Variants in ZBP1 observed in about 807,000 individuals in gnomAD.
The protein encoded by ZBP1 is Z-DNA-binding protein 1.
Under a neutral mutation model 41.1 loss-of-function variants are expected in ZBP1, and 42 were observed. That is an observed-to-expected ratio of 1.02 (90% CI 0.80 to 1.32). The LOEUF is 1.32. Among genes scored for constraint, ZBP1 ranks in the 40% most tolerant of loss-of-function variants. The pLI is 0.00. For synonymous variants in ZBP1, 214 were observed against 205.2 expected (o/e 1.04, Z -0.37); for missense variants, 562 against 549.7 (o/e 1.02, Z -0.22).
Position 57,614,951 on chromosome 20 carries a change from C to T in ZBP1, c.438G>A (p.Arg146=). Residue 146 remains arginine, a synonymous_variant, in exon 4 of 8, where the codon AGG becomes AGA. Transcript: ENST00000371173. ...TGTCCAGAAGGTGCCTGCTCTTCATCCTGTACAAGTCTCGGTTCACATCTT... is the reference window on the plus strand; with the variant it reads ...TGTCCAGAAGGTGCCTGCTCTTCATTCTGTACAAGTCTCGGTTCACATCTT... ...TAKDVNRDLY[R]MKSRHLLDMD... is the part of the protein sequence containing the mutation. 6.2e-7 allele frequency: 1 copy of T among 1,614,250 alleles called. No individual in the cohort carries two copies. Among genetic ancestry groups the T allele is most frequent in the African/African-American group, 1.3e-5 (1 of 75,064 alleles).
In ZBP1 at chr20:57,614,957, C is replaced by A. The variant is rs1423407965; in HGVS notation, c.432G>T (p.Leu144Phe). 6.2e-7 allele frequency: 1 copy of A among 1,614,236 alleles called. No individual in the cohort carries two copies. The highest frequency in any genetic ancestry group is 1.1e-5 in the South Asian group (1 of 91,084). Residue 144 changes from leucine (L) to phenylalanine (F), a missense_variant, in exon 4 of 8, where the codon TTG (leucine) becomes TTT (phenylalanine). By Grantham distance (22) the Leu-to-Phe change is conservative. Transcript: ENST00000371173. ...MRTAKDVNRD[L>F]YRMKSRHLLD... Reference sequence around the variant, plus strand: ...GAAGGTGCCTGCTCTTCATCCTGTACAAGTCTCGGTTCACATCTTTTGCTG... The same window carrying A: ...GAAGGTGCCTGCTCTTCATCCTGTAAAAGTCTCGGTTCACATCTTTTGCTG...
At chr20:57,609,010 C>T (rs1163755208) in intron 7 of ZBP1, among the ~76,000 whole-genome samples, 2 of 152,240 alleles carry the variant, frequency 1.3e-5, no homozygotes, top group South Asian at 2.1e-4. Context: ...TCATCCAGCC[C>T]CTCTCCTGCT....
Position 57,604,464 on chromosome 20 carries a change from G to C in ZBP1, c.*109C>G. ...AACTGATTCATGCAGGTTATGTCTGGAAGCAAGCAGGTCAAACAAGACGCT... is the reference window on the plus strand; with the variant it reads ...AACTGATTCATGCAGGTTATGTCTGCAAGCAAGCAGGTCAAACAAGACGCT... On this transcript the variant is annotated 3_prime_UTR_variant, in exon 8 of 8. Coordinates refer to ENST00000371173, the MANE Select transcript of ZBP1 (RefSeq NM_030776.3). 7.2e-7 allele frequency: 1 copy of C among 1,388,168 alleles called. No individual in the cohort carries two copies. Among genetic ancestry groups the C allele is most frequent in the Middle Eastern group, 1.8e-4 (1 of 5,668 alleles). 86.0% of individuals were successfully genotyped at this position (1,388,168 alleles called of 1,614,324 possible).
At chr20:57,615,443 G>A in intron 3 of ZBP1, 69 bp downstream of exon 3, 2 of 1,536,056 alleles carry the variant, frequency 1.3e-6, no homozygotes, top group Non-Finnish European at 1.8e-6. Context: ...GTACCCTCAA[G>A]GAGGGCCTGG....
At position 57,611,873 on chromosome 20, in the gene ZBP1, C is replaced by T; in HGVS notation, c.728G>A (p.Gly243Glu). ...GGGCCCCCAGGGATCAACTAGGGTC[C>T]CCCAAGTTGAGGAATCACCTGGTGC... is the stretch of plus-strand genomic sequence containing the variant. ...SMAPGDSSTW[G>E]TLVDPWGPQD... Residue 243 changes from glycine to glutamate, a missense_variant, in exon 6 of 8, where the codon GGG becomes GAG. Coordinates refer to ENST00000371173, the MANE Select transcript of ZBP1 (RefSeq NM_030776.3). 1 of 1,580,990 alleles carries T rather than the reference C, an allele frequency of 6.3e-7. No homozygotes were observed. Among genetic ancestry groups the T allele is most frequent in the Non-Finnish European group, 8.6e-7 (1 of 1,163,060 alleles).
rs779847276 is a variant in ZBP1 at position 57,604,631 on chromosome 20, C to A, written c.1232G>T (p.Gly411Val). 1.2e-6 allele frequency: 2 copies of A among 1,613,946 alleles called. No homozygotes were observed. Among genetic ancestry groups the A allele is most frequent in the Non-Finnish European group, 1.7e-6 (2 of 1,180,006 alleles). The change falls in exon 8 of 8, where the codon GGC becomes GTC. Residue 411 changes from glycine (G) to valine (V), a missense_variant. Coordinates refer to ENST00000371173, the MANE Select transcript of ZBP1 (RefSeq NM_030776.3). ...LGNRSHKAAE[G>V]SHYVDEASHE... ...TGAGGCTTCATCCACATAGTGGCTG[C>A]CTTCTGCAGCTTTGTGACTCCTGTT...
intron 6 of ZBP1, among the ~76,000 whole-genome samples, 164 bp downstream of exon 6, chr20:57,611,556 CTAGAGTG>C (rs1201986289): frequency 1.3e-5 from 2 of 152,088 alleles, no homozygotes; most frequent in East Asian, 3.9e-4. Flanking sequence ...CGCGCCCAGC[CTAGAGTG>C]CTAGCTTTAA....
chr20:57,607,755 C>G (rs974596185), intron 7 of ZBP1, among the ~76,000 whole-genome samples: 2 of 152,192 alleles, frequency 1.3e-5, no homozygotes, highest in African/African-American at 4.8e-5. Context: ...CAAGGCAAGA[C>G]CTCCACCAGC....
chr20:57,613,171 C>G lies in ZBP1; in HGVS notation c.662G>C (p.Arg221Thr). ...TCTCTTGGGTGACTTACCGTCCTCCCTGGAGACTGTCTGTCTTGTAATGAT... is the reference window on the plus strand; with the variant it reads ...TCTCTTGGGTGACTTACCGTCCTCCGTGGAGACTGTCTGTCTTGTAATGAT... ...GNIITRQTVSREDGSAGPRHL... is the reference protein window; with the variant it reads ...GNIITRQTVSTEDGSAGPRHL... The change falls in exon 5 of 8, where the codon AGG (arginine) becomes ACG (threonine). Residue 221 changes from arginine to threonine, a missense_variant. Transcript: ENST00000371173. The surrounding 1 kb of genome is among the most constrained non-coding windows in gnomAD (Gnocchi z 4.5). 1.2e-6 allele frequency: 2 copies of G among 1,614,196 alleles called. No individual in the cohort carries two copies. Among genetic ancestry groups the G allele is most frequent in the Non-Finnish European group, 1.7e-6 (2 of 1,180,044 alleles).
chr20:57,609,013 C>T (rs2070574548), intron 7 of ZBP1, among the ~76,000 whole-genome samples: 1 of 152,230 alleles, frequency 6.6e-6, no homozygotes, highest in African/African-American at 2.4e-5. Context: ...TCCAGCCCCT[C>T]TCCTGCTCAA....
At position 57,611,777 on chromosome 20, in the gene ZBP1, T is replaced by C. The variant is rs568287186; in HGVS notation, c.824A>G (p.His275Arg). 36 of 1,612,764 alleles carry C rather than the reference T, an allele frequency of 2.2e-5. No individual in the cohort carries two copies. The African/African-American group carries it at 4.0e-4, about 18-fold the overall frequency. The change falls in exon 6 of 8, where the codon CAC (histidine) becomes CGC (arginine). Residue 275 changes from histidine (H) to arginine (R), a missense_variant. By Grantham distance (29) the His-to-Arg change is conservative (BLOSUM62 0). Coordinates refer to ENST00000371173, the MANE Select transcript of ZBP1 (RefSeq NM_030776.3). ...GGCAGGGCCCTCGGACGGGACGCCG[T>C]GGAGCCTCATCTCATTGCTGTGTCC... The part of the protein sequence containing the change: ...QLGHSNEMRL[H>R]GVPSEGPAHI...
At position 57,604,633 on chromosome 20, in the gene ZBP1, T is replaced by C; in HGVS notation, c.1230A>G (p.Glu410=). ...AGGCTTCATCCACATAGTGGCTGCCTTCTGCAGCTTTGTGACTCCTGTTTC... is the reference window on the plus strand; with the variant it reads ...AGGCTTCATCCACATAGTGGCTGCCCTCTGCAGCTTTGTGACTCCTGTTTC... ...TLGNRSHKAA[E]GSHYVDEASH... The change falls in exon 8 of 8, where the codon GAA becomes GAG. Residue 410 remains glutamate (E), a synonymous_variant. Coordinates refer to ENST00000371173, the MANE Select transcript of ZBP1 (RefSeq NM_030776.3). 1.9e-6 allele frequency: 3 copies of C among 1,614,202 alleles called. No individual in the cohort carries two copies. The highest frequency in any genetic ancestry group is 2.5e-6 in the Non-Finnish European group (3 of 1,180,028).
chr20:57,615,413 C>A (rs2070793192), intron 3 of ZBP1, 99 bp downstream of exon 3: 2 of 1,352,268 alleles, frequency 1.5e-6, no homozygotes, highest in Non-Finnish European at 2.1e-6. Flanking sequence ...GACAGGGCCC[C>A]TGAACACTGG....
At chr20:57,615,822 G>A in intron 2 of ZBP1, 1 of 551,158 alleles carries the variant, frequency 1.8e-6, no homozygotes, top group Middle Eastern at 4.6e-4. Flanking sequence ...AGGGCTGGGT[G>A]AACCCCAAAA....
At chr20:57,619,321 C>T (rs2070935984) in intron 1 of ZBP1, among the ~76,000 whole-genome samples, 1 of 152,170 alleles carries the variant, frequency 6.6e-6, no homozygotes, top group Non-Finnish European at 1.5e-5. Flanking sequence ...TGTGTGACCT[C>T]CCCTCCGGCT....
At chr20:57,618,026 A>T (rs2070889286) in intron 1 of ZBP1, 3 of 152,272 alleles carry the variant, frequency 2.0e-5, no homozygotes, top group Admixed American at 6.5e-5. Context: ...AGGTTCAAGG[A>T]GGAATTCTCC....
In ZBP1 at chr20:57,610,008, C is replaced by T. The variant is rs1600728696; in HGVS notation, c.1093+141G>A. ...CTCCACGCTGACTCTAGAGCTGCTG[C>T]TCCTCGCTGTGGGTGGGCACAGCCT... On this transcript the variant is annotated intron_variant, in intron 7 of 7. Transcript: ENST00000371173. This position sits in a 1 kb window ranked among gnomAD's most constrained non-coding sequence, Gnocchi z 5.5. The T allele has an allele frequency of 2.1e-6, 2 of 931,712 alleles. No homozygotes were observed. Among genetic ancestry groups the T allele is most frequent in the Non-Finnish European group, 3.3e-6 (2 of 612,120 alleles). The allele number at this position is 931,712 out of a possible 1,614,324, so 57.7% of individuals were successfully genotyped here. A position where few individuals can be genotyped will look rare whatever the true frequency, so the allele number is the denominator to read the frequency against.
In ZBP1 at chr20:57,620,387, G is replaced by A; in HGVS notation, c.-92C>T. 1 of 1,436,206 alleles carries A rather than the reference G, an allele frequency of 7.0e-7. No individual in the cohort carries two copies. Among genetic ancestry groups the A allele is most frequent in the Non-Finnish European group, 9.5e-7 (1 of 1,057,766 alleles). The allele number at this position is 1,436,206 out of a possible 1,614,324, so 89.0% of individuals were successfully genotyped here. A position where few individuals can be genotyped will look rare whatever the true frequency, so the allele number is the denominator to read the frequency against. On this transcript the variant is annotated 5_prime_UTR_variant, in exon 1 of 8. Transcript: ENST00000371173. ...AGAGGGTGGGCTAGGTCGAGGCTGG[G>A]GCTTCTGAAGTGGCCGAGCCTGGTG... is the stretch of plus-strand genomic sequence containing the variant.
At chr20:57,607,604 T>C (rs539548028) in intron 7 of ZBP1, among the ~76,000 whole-genome samples, 1 of 152,332 alleles carries the variant, frequency 6.6e-6, no homozygotes, top group African/African-American at 2.4e-5. Context: ...TCAAACAGCA[T>C]TGCATGCTAC....
Sources: gnomAD v4.1 joint callset for allele counts (sites outside exome capture counted in the v4.1 genomes callset) on GRCh38, gnomAD v4.1.1 for gene constraint, Gnocchi (gnomAD v3.1) non-coding constraint, MANE v1.5 for transcripts, NCBI Gene and HGNC (gene_info 2026-07-23, HGNC 2026-07-21) for gene names.